The following PRKN variants were observed in gnomAD, a reference collection of about 807,000 sequenced individuals.
The protein encoded by PRKN is parkin RBR E3 ubiquitin protein ligase.
A neutral mutation model predicts 59.5 loss-of-function variants in PRKN; 56 were observed. The observed-to-expected ratio is 0.94, with a 90% CI of 0.76 to 1.18. The LOEUF (loss-of-function observed/expected upper bound fraction) is 1.18, where lower values mean the gene tolerates loss of function less well. PRKN is among the 50% of genes most tolerant of loss of function. The probability of loss-of-function intolerance (pLI) is 0.00; values close to 1 mark genes in which losing one functional copy is unlikely to be tolerated. For missense variants in PRKN, 657 were observed against 596.4 expected (o/e 1.10, Z -1.06); for synonymous variants, 250 against 222.1 (o/e 1.13, Z -1.12).
At chr6:161,565,559 C>T (rs1322157737) in intron 8 of PRKN, among the ~76,000 whole-genome samples, 2 of 152,110 alleles carry the variant, frequency 1.3e-5, no homozygotes, top group Admixed American at 1.3e-4. Context: ...CTGGCATTTC[C>T]CCTGCTTGCA....
chr6:162,405,834 C>T (rs1245475792), intron 2 of PRKN, among the ~76,000 whole-genome samples: 3 of 152,156 alleles, frequency 2.0e-5, no homozygotes, highest in South Asian at 2.1e-4. Context: ...GAGTAAACCC[C>T]GAGTGATCTC....
intron 6 of PRKN, among the ~76,000 whole-genome samples, chr6:161,795,090 T>C (rs1790786536): frequency 6.6e-6 from 1 of 151,950 alleles, no homozygotes; most frequent in Non-Finnish European, 1.5e-5. Context: ...TTCACCAAGC[T>C]AGCCAGGATG....
intron 1 of PRKN, among the ~76,000 whole-genome samples, chr6:162,725,516 T>C (rs1245059600): frequency 6.6e-6 from 1 of 152,132 alleles, no homozygotes; most frequent in Non-Finnish European, 1.5e-5. Context: ...TCCCAGCACT[T>C]TCAGAGGCGA....
At chr6:161,923,096 T>G (rs1038743514) in intron 6 of PRKN, among the ~76,000 whole-genome samples, 2 of 152,176 alleles carry the variant, frequency 1.3e-5, no homozygotes, top group African/African-American at 4.8e-5. Context: ...CTCAGCAGCT[T>G]GTTTCCCACA....
intron 6 of PRKN, among the ~76,000 whole-genome samples, chr6:161,949,184 C>G (rs748492791): frequency 5.9e-5 from 9 of 152,186 alleles, no homozygotes; most frequent in Non-Finnish European, 1.3e-4. Flanking sequence ...AAGTATCTTC[C>G]TAAAGCATAA....
intron 6 of PRKN, among the ~76,000 whole-genome samples, chr6:161,930,760 T>C (rs989439666): frequency 2.0e-4 from 30 of 152,312 alleles, no homozygotes; most frequent in African/African-American, 7.0e-4. Flanking sequence ...CCTGAATCAC[T>C]TAGGTAGTAG....
intron 7 of PRKN, among the ~76,000 whole-genome samples, chr6:161,679,232 C>T (rs891560746): frequency 1.3e-5 from 2 of 152,150 alleles, no homozygotes; most frequent in African/African-American, 4.8e-5. Context: ...ACTGCAGCTT[C>T]GGTGCCTATA....
rs569202201 is a variant in PRKN, at chr6:161,443,415, C to T, written c.1084-56538G>A. ...GCCCTGCATGGGGCGGGGGAACTGGCGTGCATTGCCTAAATCAAGCGCAGG... is the reference window on the plus strand; with the variant it reads ...GCCCTGCATGGGGCGGGGGAACTGGTGTGCATTGCCTAAATCAAGCGCAGG... On this transcript the variant is annotated intron_variant, in intron 9 of 11. Coordinates refer to ENST00000366898, the MANE Select transcript of PRKN (RefSeq NM_004562.3). Among the ~76,000 whole-genome samples the T allele has an allele frequency of 3.3e-5, 5 of 152,118 alleles. No homozygotes were observed. The East Asian group carries it at 9.7e-4, about 29-fold the overall frequency.
At chr6:162,679,089 T>TATTC (rs1220307724) in intron 1 of PRKN, among the ~76,000 whole-genome samples, 1 of 148,334 alleles carries the variant, frequency 6.7e-6, no homozygotes, top group African/African-American at 2.5e-5. Flanking sequence ...TTTATTTATT[T>TATTC]ATTTATTTAT....
At chr6:161,775,400 A>C (rs1325010584) in intron 7 of PRKN, among the ~76,000 whole-genome samples, 1 of 151,104 alleles carries the variant, frequency 6.6e-6, no homozygotes, top group Non-Finnish European at 1.5e-5. Context: ...GCCCCAACAC[A>C]CTGACCTAAT....
chr6:162,360,657 A>G (rs1221772028), intron 2 of PRKN, among the ~76,000 whole-genome samples: 1 of 152,212 alleles, frequency 6.6e-6, no homozygotes. Flanking sequence ...GAAATCTTTC[A>G]CAGAGGTCAA....
chr6:162,204,541 T>C (rs548502782), intron 3 of PRKN, among the ~76,000 whole-genome samples: 8 of 152,322 alleles, frequency 5.3e-5, no homozygotes, highest in Non-Finnish European at 1.2e-4. Flanking sequence ...ACTGCTCATG[T>C]TTATAAACCC....
chr6:162,324,032 T>TAC (rs1017530443), intron 2 of PRKN, among the ~76,000 whole-genome samples: 2 of 152,070 alleles, frequency 1.3e-5, no homozygotes, highest in African/African-American at 4.8e-5. Context: ...GTGGTAAGTC[T>TAC]ACACACCTGT....
intron 11 of PRKN, among the ~76,000 whole-genome samples, chr6:161,351,389 A>T (rs1333976454): frequency 1.3e-5 from 2 of 149,622 alleles, no homozygotes; most frequent in Non-Finnish European, 3.0e-5. Flanking sequence ...CAGTGGCGAG[A>T]TCTTGGCTCA....
chr6:162,093,815 A>C (rs1779612632), intron 4 of PRKN, among the ~76,000 whole-genome samples: 1 of 152,172 alleles, frequency 6.6e-6, no homozygotes, highest in Admixed American at 6.6e-5. Flanking sequence ...GGGTTCCCTG[A>C]AAGCAGGGAC....
intron 1 of PRKN, among the ~76,000 whole-genome samples, chr6:162,572,909 T>C (rs1780403776): frequency 6.6e-6 from 1 of 152,100 alleles, no homozygotes; most frequent in Admixed American, 6.6e-5. Context: ...CCAGTAATTC[T>C]CCTCTGCATT....
chr6:161,830,551 C>T (rs1184221665), intron 6 of PRKN, among the ~76,000 whole-genome samples: 2 of 152,142 alleles, frequency 1.3e-5, no homozygotes, highest in South Asian at 2.1e-4. Context: ...CGCACCCGGC[C>T]CGCCTTTGTT....
In PRKN at chr6:161,546,645, C is replaced by A. The variant is rs1249196058; in HGVS notation, c.1083+2209G>T. Among the ~76,000 whole-genome samples the A allele has an allele frequency of 1.3e-5, 2 of 151,806 alleles. No homozygotes were observed. The highest frequency in any genetic ancestry group is 4.8e-5 in the African/African-American group (2 of 41,320). ...AAACTGTGGTGGTTTAAAATACGTTCATAAATTCTTTGACACTCTTTAAGA... is the reference window on the plus strand; with the variant it reads ...AAACTGTGGTGGTTTAAAATACGTTAATAAATTCTTTGACACTCTTTAAGA... On this transcript the variant is annotated intron_variant, in intron 9 of 11. Transcript: ENST00000366898. This position sits in a 1 kb window ranked among gnomAD's most constrained non-coding sequence, Gnocchi z 4.4.
In PRKN at chr6:162,536,920, T is replaced by C. The variant is rs147145590; in HGVS notation, c.8-93447A>G. Among the ~76,000 whole-genome samples the C allele has an allele frequency of 9.2e-3, 1,402 of 152,338 alleles. 18 individuals carry two copies. Among genetic ancestry groups the C allele is most frequent in the African/African-American group, 0.032 (1,321 of 41,586 alleles). On this transcript the variant is annotated intron_variant, in intron 1 of 11. Transcript: ENST00000366898. Reference sequence around the variant, plus strand: ...TAACATATGTAAGTCTATACATATATGCATACATATATATGTACACCAAAG... The same window carrying C: ...TAACATATGTAAGTCTATACATATACGCATACATATATATGTACACCAAAG...
Sources: allele counts gnomAD v4.1 joint callset (sites outside exome capture counted in the v4.1 genomes callset), GRCh38; gene constraint gnomAD v4.1.1; non-coding constraint Gnocchi (gnomAD v3.1); transcripts MANE v1.5; gene names NCBI Gene and HGNC (gene_info 2026-07-23, HGNC 2026-07-21).